BTF3L4: variants seen among roughly 807,000 people sequenced by gnomAD.
BTF3L4 encodes transcription factor BTF3 homolog 4.
BTF3L4 carries 6 observed loss-of-function variants against 16.8 expected under a neutral mutation model. The observed-to-expected ratio is 0.36, with a 90% CI of 0.20 to 0.71. BTF3L4 has a LOEUF of 0.71. BTF3L4 is among the 30% of genes least tolerant of loss of function. BTF3L4 has a pLI of 0.58. For missense variants in BTF3L4, 92 were observed against 186.9 expected, an observed-to-expected ratio of 0.49 and a Z score of 2.96; for synonymous variants, 39 against 59.8, an observed-to-expected ratio of 0.65 and a Z score of 1.60.
intron 3 of BTF3L4, among the ~76,000 whole-genome samples, chr1:52,072,470 AT>A (rs1407212341): frequency 6.6e-6 from 1 of 152,142 alleles, no homozygotes; most frequent in Non-Finnish European, 1.5e-5. Context: ...CCATTAAACA[AT>A]AACTCCTTAT....
chr1:52,082,533 G>A (rs1267085958), intron 3 of BTF3L4, among the ~76,000 whole-genome samples: 7 of 152,026 alleles, frequency 4.6e-5, no homozygotes, highest in Non-Finnish European at 8.8e-5. Context: ...TCAGGAGTTC[G>A]AGACCAGCCT....
At chr1:52,069,740 A>G (rs2124425901) in intron 3 of BTF3L4, among the ~76,000 whole-genome samples, 1 of 152,334 alleles carries the variant, frequency 6.6e-6, no homozygotes, top group African/African-American at 2.4e-5. Context: ...AGTGAGGAAC[A>G]GGGAGAGCAG....
At position 52,089,693 on chromosome 1, in the gene BTF3L4, GTTTTTT is replaced by G. The variant is rs1186869680; in HGVS notation, c.*2937_*2942del. 2 of 151,980 alleles carry G rather than the reference GTTTTTT, an allele frequency of 1.3e-5. No individual in the cohort carries two copies. Among genetic ancestry groups the G allele is most frequent in the Admixed American group, 1.3e-4 (2 of 15,240 alleles). The allele number at this position is 151,980 out of a possible 1,614,324, so 9.4% of individuals were successfully genotyped here. ...TTAATTTTTGTGTTAGTCCTTTGAGGTTTTTTTGTTTTTGTTTTTGTTCTTTGTAAA... is the reference window on the plus strand; with the variant it reads ...TTAATTTTTGTGTTAGTCCTTTGAGGTGTTTTTGTTTTTGTTCTTTGTAAA... On this transcript the variant is annotated 3_prime_UTR_variant, in exon 6 of 6. Transcript: ENST00000313334.
chr1:52,081,552 C>T (rs1032462301), intron 3 of BTF3L4, among the ~76,000 whole-genome samples: 2 of 152,214 alleles, frequency 1.3e-5, no homozygotes, highest in African/African-American at 4.8e-5. Flanking sequence ...TCCCATTTCA[C>T]ATCCACTGTC....
intron 3 of BTF3L4, among the ~76,000 whole-genome samples, chr1:52,072,977 G>C (rs34073154): frequency 0.046 from 6,934 of 152,284 alleles, 222 homozygotes; most frequent in African/African-American, 0.088. Context: ...AGAATCGTTT[G>C]AACCTGGGAG....
intron 4 of BTF3L4, among the ~76,000 whole-genome samples, chr1:52,085,797 A>T (rs911568933): frequency 1.3e-5 from 2 of 152,152 alleles, no homozygotes; most frequent in African/African-American, 4.8e-5. Context: ...GTGAGCCAAG[A>T]TCGCATCACT....
chr1:52,061,814 G>T (rs1027085443), intron 2 of BTF3L4, among the ~76,000 whole-genome samples: 1 of 151,206 alleles, frequency 6.6e-6, no homozygotes, highest in African/African-American at 2.4e-5. Flanking sequence ...CTGAATTTTT[G>T]TATTTTTAGT....
At chr1:52,074,488 C>T (rs533019539) in intron 3 of BTF3L4, among the ~76,000 whole-genome samples, 25 of 152,054 alleles carry the variant, frequency 1.6e-4, no homozygotes, top group Non-Finnish European at 2.9e-4. Context: ...CTCAGCCTCC[C>T]GAGTAGCTGG....
chr1:52,075,942 G>C (rs1686922494), intron 3 of BTF3L4, among the ~76,000 whole-genome samples: 1 of 152,194 alleles, frequency 6.6e-6, no homozygotes, highest in African/African-American at 2.4e-5. Context: ...AGGGATTACA[G>C]GAGTGAGCCA....
intron 2 of BTF3L4, among the ~76,000 whole-genome samples, chr1:52,061,931 CGT>C (rs1282435971): frequency 6.7e-6 from 1 of 150,302 alleles, no homozygotes; most frequent in African/African-American, 2.4e-5. Context: ...CGTGAGCCAC[CGT>C]GCCCGGCCTC....
rs1215400829 is a variant in BTF3L4, at chr1:52,088,563, A to G, written c.*1805A>G. 1 of 152,600 alleles carries G rather than the reference A, an allele frequency of 6.6e-6. No individual in the cohort carries two copies. The highest frequency in any genetic ancestry group is 2.4e-5 in the African/African-American group (1 of 41,450). The allele number at this position is 152,600 out of a possible 1,614,324, so 9.5% of individuals were successfully genotyped here. On this transcript the variant is annotated 3_prime_UTR_variant, in exon 6 of 6. Transcript: ENST00000313334. ...CTACACAGTCCAGAATTCTTTCTCT[A>G]ATTGTCCCAAAGGGGGACATTGTGG...
At chr1:52,075,786 C>T (rs1010631053) in intron 3 of BTF3L4, among the ~76,000 whole-genome samples, 4 of 151,912 alleles carry the variant, frequency 2.6e-5, no homozygotes, top group Non-Finnish European at 5.9e-5. Context: ...GCCTCAGCCT[C>T]CTGAGTAGCT....
intron 2 of BTF3L4, among the ~76,000 whole-genome samples, chr1:52,060,234 A>C (rs541894806): frequency 6.6e-6 from 1 of 152,220 alleles, no homozygotes; most frequent in Non-Finnish European, 1.5e-5. Flanking sequence ...AGATTAGGGT[A>C]ATATTTATAA....
rs1643905835 is a variant in BTF3L4, at chr1:52,080,233, A to T, written c.169-3107A>T. Among the ~76,000 whole-genome samples the T allele has an allele frequency of 2.0e-5, 3 of 152,266 alleles. No individual in the cohort carries two copies. In the South Asian group the frequency reaches 6.2e-4, roughly 32 times the overall value. ...ATGATTTAGTAGGAAGGAAACAAGA[A>T]CAAGTTGGGAAACCCAGGTTAAAGT... On this transcript the variant is annotated intron_variant, in intron 3 of 5. Coordinates refer to ENST00000313334, the MANE Select transcript of BTF3L4 (RefSeq NM_152265.5).
intron 3 of BTF3L4, among the ~76,000 whole-genome samples, chr1:52,076,685 G>A (rs1344106836): frequency 2.0e-5 from 3 of 152,142 alleles, no homozygotes; most frequent in Admixed American, 6.5e-5. Flanking sequence ...TAATGATAGC[G>A]TAAGCTTTAG....
intron 3 of BTF3L4, among the ~76,000 whole-genome samples, chr1:52,067,151 G>A (rs1282730851): frequency 6.6e-6 from 1 of 152,126 alleles, no homozygotes; most frequent in African/African-American, 2.4e-5. Flanking sequence ...CAGGAGAATG[G>A]CTTGAACCCA....
intron 2 of BTF3L4, chr1:52,060,710 G>T: frequency 1.3e-6 from 1 of 769,886 alleles, no homozygotes; most frequent in Non-Finnish European, 1.6e-6. Flanking sequence ...CATTTACACT[G>T]ATGATAACCA....
chr1:52,071,937 G>C (rs1686798137), intron 3 of BTF3L4, among the ~76,000 whole-genome samples: 1 of 99,016 alleles, frequency 1.0e-5, no homozygotes, highest in Non-Finnish European at 2.4e-5. Flanking sequence ...TACTCTGTGT[G>C]TGTGTGTGTG....
chr1:52,066,010 CCT>C (rs1686638655), intron 3 of BTF3L4, among the ~76,000 whole-genome samples: 1 of 152,050 alleles, frequency 6.6e-6, no homozygotes, highest in South Asian at 2.1e-4. Context: ...TGCACTCCAG[CCT>C]GGGTGACAGA....
Sources: allele counts gnomAD v4.1 joint callset (sites outside exome capture counted in the v4.1 genomes callset), GRCh38; gene constraint gnomAD v4.1.1; transcripts MANE v1.5; gene names NCBI Gene and HGNC (gene_info 2026-07-23, HGNC 2026-07-21).